ANKFY1: variants seen among roughly 807,000 people sequenced by gnomAD.
ANKFY1 encodes ankyrin repeat and FYVE domain-containing protein 1.
A neutral mutation model predicts 128.3 loss-of-function variants in ANKFY1; 47 were observed. The observed-to-expected ratio is 0.37, with a 90% CI of 0.29 to 0.47. The LOEUF is 0.47. Ranked by LOEUF, ANKFY1 falls within the 20% of genes least tolerant of loss-of-function variation. The pLI is 1.00. For missense variants in ANKFY1, 1,222 were observed against 1,510.6 expected, an observed-to-expected ratio of 0.81 and a Z score of 3.17; for synonymous variants, 553 against 601.6, an observed-to-expected ratio of 0.92 and a Z score of 1.18.
chr17:4,261,340 T>A (rs994188561), intron 1 of ANKFY1, among the ~76,000 whole-genome samples: 1 of 152,090 alleles, frequency 6.6e-6, no homozygotes, highest in Non-Finnish European at 1.5e-5. Flanking sequence ...ATTAGCCGGG[T>A]ATGATGGCGG....
intron 1 of ANKFY1, among the ~76,000 whole-genome samples, chr17:4,245,013 A>G (rs1368576734): frequency 6.6e-6 from 1 of 151,768 alleles, no homozygotes; most frequent in Non-Finnish European, 1.5e-5. Flanking sequence ...CCTCTCACCT[A>G]TGACCCTCTA....
intron 24 of ANKFY1, chr17:4,168,986 G>T: frequency 1.9e-6 from 1 of 530,714 alleles, no homozygotes; most frequent in South Asian, 2.5e-5. Flanking sequence ...CCTCCAGCAG[G>T]AAAGCCACCC....
At chr17:4,240,920 TCA>T (rs1967177065) in intron 2 of ANKFY1, among the ~76,000 whole-genome samples, 2 of 152,222 alleles carry the variant, frequency 1.3e-5, no homozygotes. Context: ...GAGGCTTTTC[TCA>T]GTTACTGCCC....
intron 11 of ANKFY1, chr17:4,186,721 C>T: frequency 1.3e-6 from 1 of 763,202 alleles, no homozygotes; most frequent in Non-Finnish European, 1.6e-6. Flanking sequence ...GCTCCTCTAC[C>T]CCTCCTCCTC....
intron 3 of ANKFY1, among the ~76,000 whole-genome samples, chr17:4,229,027 C>A (rs563166232): frequency 6.6e-6 from 1 of 152,220 alleles, no homozygotes; most frequent in East Asian, 1.9e-4. Flanking sequence ...GCTATTATTA[C>A]AATAGACTAT....
At chr17:4,218,703 C>A (rs534027442) in intron 3 of ANKFY1, among the ~76,000 whole-genome samples, 3 of 152,088 alleles carry the variant, frequency 2.0e-5, no homozygotes, top group African/African-American at 7.2e-5. Flanking sequence ...AAAATAAAAC[C>A]AAAAAATATA....
intron 2 of ANKFY1, among the ~76,000 whole-genome samples, chr17:4,238,822 C>G (rs566518544): frequency 1.3e-5 from 2 of 151,386 alleles, no homozygotes; most frequent in East Asian, 1.9e-4. Context: ...TGCAGTGGCA[C>G]GACCTCAGCT....
chr17:4,221,694 C>T (rs934784152), intron 3 of ANKFY1, among the ~76,000 whole-genome samples: 2 of 152,190 alleles, frequency 1.3e-5, no homozygotes, highest in Non-Finnish European at 2.9e-5. Flanking sequence ...TCTCGGCTCA[C>T]TGCAACCTCC....
intron 1 of ANKFY1, among the ~76,000 whole-genome samples, chr17:4,258,418 G>A (rs964096802): frequency 1.3e-5 from 2 of 151,840 alleles, no homozygotes; most frequent in African/African-American, 4.8e-5. Context: ...CCAGCTACTC[G>A]GGAGGCTGAG....
rs561068514 is a variant in ANKFY1 at position 4,197,632 on chromosome 17, C to T, written c.899-55G>A. On this transcript the variant is annotated intron_variant, in intron 7 of 24. Transcript: ENST00000341657. ...TCAGGGCAAAGTATTCTGGCCAGTG[C>T]TTCTTCAAGAGGGAGCAGAAAATGA... 1.8e-4 allele frequency: 269 copies of T among 1,533,666 alleles called. 4 individuals carry two copies. In the South Asian group the frequency reaches 2.4e-3, roughly 14 times the overall value.
At chr17:4,174,684 A>C (rs1479417518) in intron 19 of ANKFY1, among the ~76,000 whole-genome samples, 1 of 151,928 alleles carries the variant, frequency 6.6e-6, no homozygotes, top group Non-Finnish European at 1.5e-5. Context: ...ACATGCTTTG[A>C]GTTTTTCCAC....
intron 1 of ANKFY1, among the ~76,000 whole-genome samples, chr17:4,248,786 A>G (rs1046102867): frequency 1.3e-5 from 2 of 152,202 alleles, no homozygotes; most frequent in Admixed American, 1.3e-4. Context: ...GAGAGAGGAG[A>G]GGAGAGCAAA....
intron 3 of ANKFY1, among the ~76,000 whole-genome samples, chr17:4,226,468 T>G (rs2060427050): frequency 6.6e-6 from 1 of 152,052 alleles, no homozygotes; most frequent in African/African-American, 2.4e-5. Context: ...TTTAAATACT[T>G]GTATTAGAAA....
Position 4,167,727 on chromosome 17 carries a change from C to A in ANKFY1, c.*52G>T. 6.4e-7 allele frequency: 1 copy of A among 1,555,378 alleles called. No homozygotes were observed. Among genetic ancestry groups the A allele is most frequent in the South Asian group, 1.2e-5 (1 of 83,326 alleles). On this transcript the variant is annotated 3_prime_UTR_variant, in exon 25 of 25. Coordinates refer to ENST00000341657, the MANE Select transcript of ANKFY1 (RefSeq NM_001330063.2). This position sits in a 1 kb window ranked among gnomAD's most constrained non-coding sequence, Gnocchi z 4.1. Reference sequence around the variant, plus strand: ...GGTGGGGTCAGGCTGGTGAGCAGAGCAGCTGCTGGGGAGGTGACCAAGGAC... The same window carrying A: ...GGTGGGGTCAGGCTGGTGAGCAGAGAAGCTGCTGGGGAGGTGACCAAGGAC...
intron 4 of ANKFY1, among the ~76,000 whole-genome samples, chr17:4,214,821 G>GA (rs995747214): frequency 8.0e-5 from 12 of 150,390 alleles, no homozygotes; most frequent in Non-Finnish European, 1.5e-4. Context: ...GTGGATGTGG[G>GA]AAAAAAAAAT....
chr17:4,230,794 T>C (rs2143227876), intron 3 of ANKFY1, among the ~76,000 whole-genome samples: 1 of 152,298 alleles, frequency 6.6e-6, no homozygotes, highest in South Asian at 2.1e-4. Flanking sequence ...AATTTCTACT[T>C]TGTTTACATT....
At chr17:4,225,776 T>A (rs1036782132) in intron 3 of ANKFY1, among the ~76,000 whole-genome samples, 1 of 152,182 alleles carries the variant, frequency 6.6e-6, no homozygotes, top group Non-Finnish European at 1.5e-5. Flanking sequence ...TATATAATTT[T>A]TTTTTGAGAC....
At chr17:4,189,984 C>T (rs373975827) in intron 10 of ANKFY1, among the ~76,000 whole-genome samples, 9 of 152,298 alleles carry the variant, frequency 5.9e-5, no homozygotes, top group East Asian at 1.9e-4. Flanking sequence ...CTGCCCAGGA[C>T]GGGAGGGAAG....
rs115293055 is a variant in ANKFY1 at position 4,175,560 on chromosome 17, T to C, written c.2776-1504A>G. Among the ~76,000 whole-genome samples, 413 of 152,274 alleles carry C rather than the reference T, an allele frequency of 2.7e-3. 2 individuals carry two copies. The highest frequency in any genetic ancestry group is 9.6e-3 in the African/African-American group (398 of 41,556). On this transcript the variant is annotated intron_variant, in intron 19 of 24. Coordinates refer to ENST00000341657, the MANE Select transcript of ANKFY1 (RefSeq NM_001330063.2). ...GAGGTGTATGGCCACCCCTGGTTCC[T>C]CCGTGTGTACAGGCACTGCCTCTGG...
Sources: gnomAD v4.1 joint callset for allele counts (sites outside exome capture counted in the v4.1 genomes callset) on GRCh38, gnomAD v4.1.1 for gene constraint, Gnocchi (gnomAD v3.1) non-coding constraint, MANE v1.5 for transcripts, NCBI Gene and HGNC (gene_info 2026-07-23, HGNC 2026-07-21) for gene names.